The following SNRPN variants were observed in gnomAD, a reference collection of about 807,000 sequenced individuals.
SNRPN encodes the protein small nuclear ribonucleoprotein polypeptide N.
A neutral mutation model predicts 25.2 loss-of-function variants in SNRPN; 7 were observed. The ratio of observed to expected loss-of-function variants is 0.28; its 90% CI spans 0.16 to 0.52. The LOEUF is 0.52. Among genes scored for constraint, SNRPN ranks in the 20% least tolerant of loss-of-function variants. The probability of loss-of-function intolerance (pLI) is 0.96; values close to 1 mark genes in which losing one functional copy is unlikely to be tolerated. For synonymous variants in SNRPN, 124 were observed against 110.6 expected (o/e 1.12, Z -0.76); for missense variants, 196 against 322.5 (o/e 0.61, Z 3.00).
At chr15:24,894,778 C>A (rs1341260772) in intron 2 of SNRPN, among the ~76,000 whole-genome samples, 2 of 152,176 alleles carry the variant, frequency 1.3e-5, no homozygotes, top group African/African-American at 2.4e-5. Context: ...TCACCTTGCA[C>A]AGGCTTGTGT....
intron 1 of SNRPN, among the ~76,000 whole-genome samples, chr15:24,881,379 C>T (rs895338457): frequency 7.8e-6 from 1 of 129,026 alleles, no homozygotes; most frequent in East Asian, 2.5e-4. Flanking sequence ...AAAAAAAAAA[C>T]AATGAGCTGG....
intron 1 of SNRPN, among the ~76,000 whole-genome samples, chr15:24,874,346 G>C (rs993926045): frequency 1.4e-5 from 2 of 143,952 alleles, no homozygotes; most frequent in African/African-American, 2.7e-5. Flanking sequence ...CAGAGTGGCA[G>C]ACCAAAAACG....
chr15:24,933,056 G>A (rs550375196), intron 3 of SNRPN, among the ~76,000 whole-genome samples: 1 of 152,278 alleles, frequency 6.6e-6, no homozygotes, highest in African/African-American at 2.4e-5. Context: ...GAGTCCAGGA[G>A]TTTGAGACCA....
intron 2 of SNRPN, among the ~76,000 whole-genome samples, chr15:24,918,960 TGC>T (rs376027862): frequency 4.3e-5 from 4 of 93,156 alleles, no homozygotes; most frequent in South Asian, 4.0e-4. Flanking sequence ...ATAATATATA[TGC>T]GCGCATATAT....
chr15:24,965,941 C>CAA (rs34649368), intron 2 of SNRPN, among the ~76,000 whole-genome samples: 77,515 of 151,822 alleles, frequency 0.51, 21,732 homozygotes, highest in African/African-American at 0.75. Context: ...CATTTGTAAA[C>CAA]AGAGGTTAGA....
At chr15:24,947,428 A>G (rs1274306040) in intron 3 of SNRPN, among the ~76,000 whole-genome samples, 1 of 152,206 alleles carries the variant, frequency 6.6e-6, no homozygotes, top group African/African-American at 2.4e-5. Flanking sequence ...CAGGAGTTCA[A>G]GACCAGCCTG....
chr15:24,844,708 G>A (rs184769514), intron 2 of SNRPN, among the ~76,000 whole-genome samples: 13 of 152,140 alleles, frequency 8.5e-5, no homozygotes, highest in Non-Finnish European at 1.8e-4. Context: ...TACTTTTGTA[G>A]AGATGGGGTT....
At chr15:24,826,279 A>C (rs2140993592) in intron 1 of SNRPN, among the ~76,000 whole-genome samples, 1 of 152,076 alleles carries the variant, frequency 6.6e-6, no homozygotes, top group Middle Eastern at 3.4e-3. Flanking sequence ...AATTGGGCAA[A>C]CCTGTTCTTT....
chr15:24,882,371 A>G (rs982328512), intron 1 of SNRPN, among the ~76,000 whole-genome samples: 3 of 152,184 alleles, frequency 2.0e-5, no homozygotes, highest in African/African-American at 7.2e-5. Context: ...CCTACTTGCA[A>G]TATTTTAGCA....
At chr15:24,931,073 A>G (rs764633620) in intron 3 of SNRPN, among the ~76,000 whole-genome samples, 9 of 152,096 alleles carry the variant, frequency 5.9e-5, no homozygotes, top group Non-Finnish European at 1.2e-4. Flanking sequence ...GTGAGCTTTA[A>G]TAAATTCTAT....
At chr15:24,905,558 A>G (rs1037644578) in intron 2 of SNRPN, among the ~76,000 whole-genome samples, 1 of 151,536 alleles carries the variant, frequency 6.6e-6, no homozygotes, top group Non-Finnish European at 1.5e-5. Context: ...ATGTTAGTCA[A>G]TTTTTTTTGT....
At chr15:24,848,231 T>TC (rs2052399156) in intron 2 of SNRPN, 1 of 95,434 alleles carries the variant, frequency 1.0e-5, no homozygotes. Flanking sequence ...GGGGCGGCGG[T>TC]GGGGGCGGGG....
rs746441330 is a variant in SNRPN at position 24,978,281 on chromosome 15, G to C, written c.648G>C (p.Pro216=). The C allele has an allele frequency of 6.2e-7, 1 of 1,613,952 alleles. No homozygotes were observed. Among genetic ancestry groups the C allele is most frequent in the Admixed American group, 1.7e-5 (1 of 59,998 alleles). The change falls in exon 9 of 10, where the codon CCG becomes CCC. Residue 216 remains proline, a synonymous_variant. Transcript: ENST00000390687. ...CTCGAGGGACGCCAATAGGCATGCC[G>C]CCTCCGGGAATGAGACCCCCTCCAC... ...PPARGTPIGM[P]PPGMRPPPPG...
At position 24,869,801 on chromosome 15, in the gene SNRPN, A is replaced by G. The variant is rs1449108073; in HGVS notation, c.-579+13085A>G. Among the ~76,000 whole-genome samples, 3 of 152,194 alleles carry G rather than the reference A, an allele frequency of 2.0e-5. No homozygotes were observed. The East Asian group carries it at 5.8e-4, about 29-fold the overall frequency. ...CTGTTTCACTTTTTGAAAATAAGTC[A>G]GCATACATAGCACATACTTAAGAAC... is the stretch of plus-strand genomic sequence containing the variant. On this transcript the variant is annotated intron_variant, in intron 1 of 11. Coordinates refer to the SNRPN transcript ENST00000400097.
chr15:24,844,335 T>G (rs959432956), intron 2 of SNRPN, among the ~76,000 whole-genome samples: 5 of 152,164 alleles, frequency 3.3e-5, no homozygotes, highest in Admixed American at 3.3e-4. Flanking sequence ...ACTGTCACTC[T>G]TCTCATTTCA....
At chr15:24,978,381 T>C (rs1280876836) in intron 9 of SNRPN, 26 bp from the exon 10 acceptor site, 2 of 1,614,092 alleles carry the variant, frequency 1.2e-6, no homozygotes, top group Non-Finnish European at 8.5e-7. Flanking sequence ...ATCCTCTTTT[T>C]CTCAATGTTT....
intron 3 of SNRPN, among the ~76,000 whole-genome samples, chr15:24,970,543 C>T (rs1424564825): frequency 2.6e-5 from 4 of 152,104 alleles, no homozygotes; most frequent in South Asian, 4.1e-4. Flanking sequence ...TGTGCCACTG[C>T]GCTTCAGCCT....
intron 3 of SNRPN, among the ~76,000 whole-genome samples, chr15:24,938,462 G>T (rs1002427967): frequency 6.6e-6 from 1 of 151,746 alleles, no homozygotes; most frequent in South Asian, 2.1e-4. Flanking sequence ...TAACCTTGAA[G>T]TGACAGTGCT....
intron 2 of SNRPN, among the ~76,000 whole-genome samples, chr15:24,900,535 C>T (rs2058381397): frequency 6.8e-6 from 1 of 146,192 alleles, no homozygotes; most frequent in Non-Finnish European, 1.5e-5. Context: ...AAAGGGGATG[C>T]CCATTTTTCT....
Sources: gnomAD v4.1 joint callset for allele counts (sites outside exome capture counted in the v4.1 genomes callset) on GRCh38, gnomAD v4.1.1 for gene constraint, MANE v1.5 for transcripts, NCBI Gene and HGNC (gene_info 2026-07-23, HGNC 2026-07-21) for gene names.